The following ASTN1 variants were observed in gnomAD, a reference collection of about 807,000 sequenced individuals.
ASTN1 encodes the protein astrotactin 1.
ASTN1 carries 41 observed loss-of-function variants against 140.7 expected under a neutral mutation model. The ratio of observed to expected loss-of-function variants is 0.29; its 90% CI spans 0.23 to 0.38. The LOEUF is 0.38. Among genes scored for constraint, ASTN1 ranks in the 10% least tolerant of loss-of-function variants. The pLI is 1.00. For missense variants in ASTN1, 1,479 were observed against 1,678.8 expected, an observed-to-expected ratio of 0.88 and a Z score of 2.08; for synonymous variants, 640 against 652.2, an observed-to-expected ratio of 0.98 and a Z score of 0.29.
At chr1:176,926,101 C>T (rs556669850) in intron 16 of ASTN1, among the ~76,000 whole-genome samples, 8 of 152,140 alleles carry the variant, frequency 5.3e-5, no homozygotes, top group African/African-American at 1.9e-4. Context: ...GCCACCGCAC[C>T]CAGCCAAGGC....
In ASTN1 at chr1:177,127,508, T is replaced by C. The variant is rs118191887; in HGVS notation, c.283+36886A>G. Among the ~76,000 whole-genome samples the C allele has an allele frequency of 5.5e-3, 841 of 152,286 alleles. 26 individuals are homozygous for C. The highest frequency in any genetic ancestry group is 0.034 in the Admixed American group (518 of 15,298). On this transcript the variant is annotated intron_variant, in intron 1 of 22. Transcript: ENST00000361833. ...CCATACACCTCACCCACCACGTCCATTGGGGTCTGAAGCCCAAGGCTCTAA... is the reference window on the plus strand; with the variant it reads ...CCATACACCTCACCCACCACGTCCACTGGGGTCTGAAGCCCAAGGCTCTAA...
intron 9 of ASTN1, among the ~76,000 whole-genome samples, chr1:176,959,279 T>C (rs759422387): frequency 2.0e-5 from 3 of 152,150 alleles, no homozygotes; most frequent in Non-Finnish European, 2.9e-5. Flanking sequence ...TGAAAGCCAG[T>C]GTGGATGGGA....
In ASTN1 at chr1:176,943,774, T is replaced by C; in HGVS notation, c.2377+117A>G. On this transcript the variant is annotated intron_variant, in intron 14 of 22. Transcript: ENST00000361833. ...GTTTTATGGCTGAGCTTTTATTGTG[T>C]ATGAAGGAAATCACTGGCTTAGAAA... The C allele has an allele frequency of 2.3e-6, 3 of 1,297,396 alleles. No homozygotes were observed. The South Asian group carries it at 5.2e-5, about 22-fold the overall frequency. The allele number at this position is 1,297,396 out of a possible 1,614,324, so 80.4% of individuals were successfully genotyped here.
intron 2 of ASTN1, among the ~76,000 whole-genome samples, chr1:177,047,202 G>T (rs1293884402): frequency 6.6e-6 from 1 of 152,202 alleles, no homozygotes; most frequent in Non-Finnish European, 1.5e-5. Context: ...AAGGGGGTCA[G>T]AAACACTTTC....
At chr1:177,144,303 A>C (rs1265149759) in intron 1 of ASTN1, among the ~76,000 whole-genome samples, 1 of 149,538 alleles carries the variant, frequency 6.7e-6, no homozygotes, top group African/African-American at 2.5e-5. Context: ...CCCAGGCTGG[A>C]GTGCAGTGGC....
intron 14 of ASTN1, 95 bp downstream of exon 14, chr1:176,943,796 G>A: frequency 1.4e-6 from 2 of 1,423,588 alleles, no homozygotes; most frequent in East Asian, 2.5e-5. Flanking sequence ...CACTGGCTTA[G>A]AAACCAAAAT....
At chr1:176,985,121 G>C (rs1174819196) in intron 8 of ASTN1, among the ~76,000 whole-genome samples, 1 of 152,192 alleles carries the variant, frequency 6.6e-6, no homozygotes, top group African/African-American at 2.4e-5. Flanking sequence ...AGTCTGCCTT[G>C]TGGGGAGAAG....
chr1:177,125,032 C>A (rs1681576555), intron 1 of ASTN1, among the ~76,000 whole-genome samples: 1 of 152,220 alleles, frequency 6.6e-6, no homozygotes, highest in African/African-American at 2.4e-5. Flanking sequence ...GACCTCACTT[C>A]TGATCTTAAC....
chr1:176,936,095 C>T (rs1196789320), intron 15 of ASTN1, 171 bp downstream of exon 15: 7 of 696,512 alleles, frequency 1.0e-5, no homozygotes, highest in South Asian at 3.1e-5. Flanking sequence ...GAAAAGAATT[C>T]GATTCTAGCC....
chr1:176,921,028 G>A (rs570331703), intron 16 of ASTN1, among the ~76,000 whole-genome samples: 1 of 152,266 alleles, frequency 6.6e-6, no homozygotes, highest in South Asian at 2.1e-4. Context: ...CTACTTATCA[G>A]TAACAGAGAC....
At chr1:176,873,081 A>C (rs1668415140) in intron 21 of ASTN1, among the ~76,000 whole-genome samples, 2 of 152,230 alleles carry the variant, frequency 1.3e-5, no homozygotes, top group African/African-American at 4.8e-5. Context: ...TAGGATTATA[A>C]AATTCTTGAA....
chr1:176,966,677 C>A (rs1672903606), intron 8 of ASTN1, among the ~76,000 whole-genome samples: 1 of 151,932 alleles, frequency 6.6e-6, no homozygotes, highest in African/African-American at 2.4e-5. Context: ...TGCTCTCACG[C>A]ATATCATAAT....
chr1:177,030,115 T>C (rs1253652695), intron 4 of ASTN1, among the ~76,000 whole-genome samples: 1 of 152,210 alleles, frequency 6.6e-6, no homozygotes, highest in Non-Finnish European at 1.5e-5. Flanking sequence ...ATTACATCTT[T>C]GTGTTTTTTC....
At chr1:177,098,878 A>T (rs564822450) in intron 1 of ASTN1, among the ~76,000 whole-genome samples, 2 of 152,246 alleles carry the variant, frequency 1.3e-5, no homozygotes, top group East Asian at 3.9e-4. Flanking sequence ...CAATAACCCC[A>T]TCTGTGATTT....
intron 1 of ASTN1, among the ~76,000 whole-genome samples, chr1:177,138,474 G>C (rs1003543173): frequency 1.3e-5 from 2 of 152,168 alleles, no homozygotes; most frequent in Non-Finnish European, 2.9e-5. Flanking sequence ...TCTGGTTGCC[G>C]AGGAGTGGAA....
At chr1:177,109,872 C>T (rs1680737390) in intron 1 of ASTN1, among the ~76,000 whole-genome samples, 1 of 152,164 alleles carries the variant, frequency 6.6e-6, no homozygotes, top group East Asian at 1.9e-4. Flanking sequence ...TTCATCTTTC[C>T]AATTTCCAAT....
Position 177,026,687 on chromosome 1 carries a change from G to T in ASTN1, c.1121-1955C>A, listed in dbSNP as rs533662236. On this transcript the variant is annotated intron_variant, in intron 5 of 22. Transcript: ENST00000361833. ...CCAGTGTTTGTGATTGCCTGTCTTT[G>T]GATAAAAGCCATTTTAACTGGGGTT... Among the ~76,000 whole-genome samples, 14 of 152,230 alleles carry T rather than the reference G, an allele frequency of 9.2e-5. No homozygotes were observed. In the East Asian group the frequency reaches 2.7e-3, roughly 29 times the overall value.
chr1:176,936,445 C>T, intron 14 of ASTN1, 75 bp from the exon 15 acceptor site: 1 of 1,149,994 alleles, frequency 8.7e-7, no homozygotes, highest in South Asian at 1.3e-5. Flanking sequence ...TGACCCACCT[C>T]TATGAGGCGA....
chr1:177,089,725 A>T (rs1679650260), intron 1 of ASTN1, among the ~76,000 whole-genome samples: 1 of 152,038 alleles, frequency 6.6e-6, no homozygotes. Context: ...CCCTCCCTTA[A>T]GTACTGTCAG....
Sources: gnomAD v4.1 joint callset for allele counts (sites outside exome capture counted in the v4.1 genomes callset) on GRCh38, gnomAD v4.1.1 for gene constraint, MANE v1.5 for transcripts, NCBI Gene and HGNC (gene_info 2026-07-23, HGNC 2026-07-21) for gene names.